ADAMTSL3: variants seen among roughly 807,000 people sequenced by gnomAD.
ADAMTSL3 encodes the protein ADAMTS like 3, also known as ADAMTS-like protein 3.
Under a neutral mutation model 201.7 loss-of-function variants are expected in ADAMTSL3, and 128 were observed. The ratio of observed to expected loss-of-function variants is 0.63; its 90% CI spans 0.55 to 0.73. The LOEUF (loss-of-function observed/expected upper bound fraction) is 0.73, where lower values mean the gene tolerates loss of function less well. Among genes scored for constraint, ADAMTSL3 ranks in the 30% least tolerant of loss-of-function variants. The pLI is 0.00. For synonymous variants in ADAMTSL3, 738 were observed against 748.4 expected (o/e 0.99, Z 0.23); for missense variants, 1,990 against 2,119.6 (o/e 0.94, Z 1.20).
chr15:83,970,209 AGAGT>A (rs2067167624), intron 19 of ADAMTSL3, among the ~76,000 whole-genome samples: 1 of 151,358 alleles, frequency 6.6e-6, no homozygotes, highest in Non-Finnish European at 1.5e-5. Flanking sequence ...TCCAAAAGAA[AGAGT>A]GAGATGGAAG....
At chr15:83,853,498 A>G (rs1414926450) in intron 7 of ADAMTSL3, among the ~76,000 whole-genome samples, 2 of 152,142 alleles carry the variant, frequency 1.3e-5, no homozygotes, top group Admixed American at 6.5e-5. Flanking sequence ...ACTTTATTTT[A>G]TATACAGAAT....
intron 19 of ADAMTSL3, among the ~76,000 whole-genome samples, chr15:83,951,428 T>G (rs1173717961): frequency 1.3e-5 from 2 of 152,190 alleles, no homozygotes; most frequent in Non-Finnish European, 2.9e-5. Flanking sequence ...GATATTTTGT[T>G]GAGAATTTTT....
chr15:83,764,677 G>A (rs1473340345), intron 3 of ADAMTSL3, among the ~76,000 whole-genome samples: 2 of 152,060 alleles, frequency 1.3e-5, no homozygotes, highest in Non-Finnish European at 2.9e-5. Context: ...AATGAGAATC[G>A]TCAAATCCAC....
At chr15:83,936,223 C>A (rs533856948) in intron 17 of ADAMTSL3, among the ~76,000 whole-genome samples, 128 of 151,562 alleles carry the variant, frequency 8.4e-4, no homozygotes, top group African/African-American at 3.0e-3. Context: ...TGCTTTAGGC[C>A]CTTATACCAT....
chr15:83,674,766 CATATAT>C (rs377132060), intron 2 of ADAMTSL3, among the ~76,000 whole-genome samples: 5 of 68,952 alleles, frequency 7.3e-5, no homozygotes, highest in African/African-American at 2.7e-4. Context: ...CACATATATA[CATATAT>C]ATATATATAT....
intron 4 of ADAMTSL3, among the ~76,000 whole-genome samples, chr15:83,790,547 T>C (rs1269256501): frequency 6.6e-6 from 1 of 151,764 alleles, no homozygotes; most frequent in African/African-American, 2.4e-5. Context: ...TGAAGAACTC[T>C]CAGAAAAATA....
At chr15:83,763,605 C>T (rs1049726272) in intron 3 of ADAMTSL3, among the ~76,000 whole-genome samples, 8 of 151,316 alleles carry the variant, frequency 5.3e-5, no homozygotes, top group African/African-American at 1.5e-4. Flanking sequence ...CCCGGGTTCA[C>T]GCCATTCTCC....
At chr15:83,934,092 C>T (rs1056259273) in intron 17 of ADAMTSL3, among the ~76,000 whole-genome samples, 1 of 152,170 alleles carries the variant, frequency 6.6e-6, no homozygotes, top group African/African-American at 2.4e-5. Context: ...ATCCTCCAGA[C>T]ACCAGAATGG....
intron 23 of ADAMTSL3, among the ~76,000 whole-genome samples, chr15:84,012,801 C>T (rs1361225610): frequency 2.6e-5 from 4 of 152,134 alleles, no homozygotes; most frequent in Non-Finnish European, 5.9e-5. Context: ...ACAAAAAGTC[C>T]CAAGGGCAAC....
At chr15:83,853,272 T>C (rs1236120377) in intron 7 of ADAMTSL3, among the ~76,000 whole-genome samples, 1 of 152,180 alleles carries the variant, frequency 6.6e-6, no homozygotes, top group East Asian at 1.9e-4. Context: ...ATTTCTAAAA[T>C]CTAATAATTT....
In ADAMTSL3 at chr15:83,899,647, A is replaced by G; in HGVS notation, c.1616A>G (p.Glu539Gly). 1.2e-6 allele frequency: 2 copies of G among 1,610,334 alleles called. No individual in the cohort carries two copies. The highest frequency in any genetic ancestry group is 1.7e-6 in the Non-Finnish European group (2 of 1,177,716). ...VIPIPCYKPKEKSPVEAKLPW... is the reference protein window; with the variant it reads ...VIPIPCYKPKGKSPVEAKLPW... ...ATTGTTTATGTTCTCTTTTTCTTAGAAAAAAGTCCAGTGGAAGCAAAATTG... is the reference window on the plus strand; with the variant it reads ...ATTGTTTATGTTCTCTTTTTCTTAGGAAAAAGTCCAGTGGAAGCAAAATTG... The change falls in exon 15 of 30, where the codon GAA becomes GGA. Residue 539 changes from glutamate to glycine, a missense_variant and splice_region_variant. Transcript: ENST00000286744.
At chr15:83,659,356 G>T (rs974657954) in intron 2 of ADAMTSL3, among the ~76,000 whole-genome samples, 3 of 152,162 alleles carry the variant, frequency 2.0e-5, no homozygotes, top group Non-Finnish European at 4.4e-5. Flanking sequence ...GCAATATCTG[G>T]GTTGGCTCCG....
chr15:83,947,383 T>C (rs2066673399), intron 19 of ADAMTSL3, among the ~76,000 whole-genome samples: 1 of 152,252 alleles, frequency 6.6e-6, no homozygotes, highest in Non-Finnish European at 1.5e-5. Flanking sequence ...GCTCTGTCCA[T>C]TCATTGGCTT....
chr15:83,874,705 C>T (rs1298102219), intron 9 of ADAMTSL3, among the ~76,000 whole-genome samples: 1 of 143,900 alleles, frequency 6.9e-6, no homozygotes, highest in Non-Finnish European at 1.5e-5. Flanking sequence ...CCCAGCCACA[C>T]CACCGAGAAC....
intron 3 of ADAMTSL3, among the ~76,000 whole-genome samples, chr15:83,755,491 C>T (rs1318761478): frequency 2.0e-5 from 3 of 152,186 alleles, no homozygotes; most frequent in Admixed American, 2.0e-4. Context: ...ACCCTAGGCA[C>T]TTCATAAGTG....
intron 27 of ADAMTSL3, chr15:84,025,660 T>G: frequency 2.2e-6 from 1 of 460,692 alleles, no homozygotes; most frequent in Non-Finnish European, 3.9e-6. Context: ...TTGAATGCAG[T>G]GATGCCATAA....
At chr15:83,943,137 A>G in intron 19 of ADAMTSL3, 55 bp downstream of exon 19, 1 of 1,532,568 alleles carries the variant, frequency 6.5e-7, no homozygotes, top group Non-Finnish European at 8.8e-7. Context: ...CCTTTGTTTC[A>G]GCTTCTAAAT....
At chr15:83,924,700 C>CT (rs1208750704) in intron 17 of ADAMTSL3, among the ~76,000 whole-genome samples, 1 of 152,184 alleles carries the variant, frequency 6.6e-6, no homozygotes, top group Non-Finnish European at 1.5e-5. Flanking sequence ...GTCCCTGGTG[C>CT]TGCTGGCTAC....
rs74024592 is a variant in ADAMTSL3, at chr15:83,884,890, G to A, written c.961-211G>A. Among the ~76,000 whole-genome samples the A allele has an allele frequency of 0.02, 3,029 of 152,188 alleles. 101 individuals are homozygous for A. Among genetic ancestry groups the A allele is most frequent in the African/African-American group, 0.069 (2,880 of 41,506 alleles). On this transcript the variant is annotated intron_variant, in intron 9 of 29. Transcript: ENST00000286744. ...GAATTATCTGGAAAAATGACTCCAG[G>A]GAGATTTGCAGAAGATCACCTGAGC...
Sources: gnomAD v4.1 joint callset for allele counts (sites outside exome capture counted in the v4.1 genomes callset) on GRCh38, gnomAD v4.1.1 for gene constraint, MANE v1.5 for transcripts, NCBI Gene and HGNC (gene_info 2026-07-23, HGNC 2026-07-21) for gene names.